SPOCK1: variants seen among roughly 807,000 people sequenced by gnomAD.
The protein encoded by SPOCK1 is testican-1.
A neutral mutation model predicts 55.3 loss-of-function variants in SPOCK1; 23 were observed. That is an observed-to-expected ratio of 0.42 (90% CI 0.30 to 0.59). SPOCK1 has a LOEUF of 0.59. Ranked by LOEUF, SPOCK1 falls within the 20% of genes least tolerant of loss-of-function variation. The pLI, the probability that SPOCK1 is intolerant of heterozygous loss-of-function variation, is 0.22. For missense variants in SPOCK1, 499 were observed against 552.5 expected (o/e 0.90, Z 0.97); for synonymous variants, 226 against 221.0 (o/e 1.02, Z -0.20).
rs2126956037 is a variant in SPOCK1 at position 136,978,568 on chromosome 5, G to A, written c.*86C>T. On this transcript the variant is annotated 3_prime_UTR_variant, in exon 11 of 11. Coordinates refer to ENST00000394945, the MANE Select transcript of SPOCK1 (RefSeq NM_004598.4). ...AGAGCAACAATGGAGAAGAGACCTT[G>A]GTGCCTTGGAGTCTTAGATACAAAT... 2.1e-6 allele frequency: 3 copies of A among 1,421,476 alleles called. No individual in the cohort carries two copies. Among genetic ancestry groups the A allele is most frequent in the South Asian group, 2.8e-5 (2 of 71,394 alleles). 88.1% of individuals were successfully genotyped at this position (1,421,476 alleles called of 1,614,324 possible). A position where few individuals can be genotyped will look rare whatever the true frequency, so the allele number is the denominator to read the frequency against.
intron 2 of SPOCK1, among the ~76,000 whole-genome samples, chr5:137,298,449 A>C (rs1372840979): frequency 1.3e-5 from 2 of 152,204 alleles, no homozygotes; most frequent in African/African-American, 4.8e-5. Context: ...ACAAGCACTT[A>C]TTAAAAATAA....
chr5:137,320,177 G>A (rs1409708122), intron 2 of SPOCK1, among the ~76,000 whole-genome samples: 1 of 152,244 alleles, frequency 6.6e-6, no homozygotes. Flanking sequence ...TCCCTTGGGA[G>A]GGAAATTGAA....
intron 6 of SPOCK1, among the ~76,000 whole-genome samples, chr5:137,042,205 A>C (rs1442038703): frequency 2.0e-5 from 3 of 152,234 alleles, no homozygotes; most frequent in Admixed American, 2.0e-4. Context: ...CAGCATAAAA[A>C]GGCTATGTAA....
At chr5:137,048,779 C>T (rs1317400885) in intron 6 of SPOCK1, among the ~76,000 whole-genome samples, 6 of 117,192 alleles carry the variant, frequency 5.1e-5, no homozygotes, top group African/African-American at 1.3e-4. Context: ...CGGCTGGTAT[C>T]GGTTGTTCCT....
intron 2 of SPOCK1, among the ~76,000 whole-genome samples, chr5:137,426,230 T>C (rs946966050): frequency 3.9e-5 from 6 of 152,368 alleles, no homozygotes; most frequent in African/African-American, 1.2e-4. Context: ...TCATCATTGC[T>C]GTTATTTGAC....
chr5:137,492,285 G>A (rs1754198137), intron 2 of SPOCK1, among the ~76,000 whole-genome samples: 1 of 152,188 alleles, frequency 6.6e-6, no homozygotes, highest in Non-Finnish European at 1.5e-5. Flanking sequence ...CGGGAAATCT[G>A]ACAAGTCTCA....
chr5:137,286,044 C>T (rs1757258218), intron 2 of SPOCK1, among the ~76,000 whole-genome samples: 1 of 152,174 alleles, frequency 6.6e-6, no homozygotes, highest in Admixed American at 6.5e-5. Context: ...GTCCATCCTG[C>T]TCTAAACAGA....
chr5:137,124,014 A>G (rs1211363011), intron 4 of SPOCK1, among the ~76,000 whole-genome samples: 1 of 152,094 alleles, frequency 6.6e-6, no homozygotes, highest in African/African-American at 2.4e-5. Flanking sequence ...TCTACCAGGT[A>G]TTGCTCTGAG....
chr5:137,499,251 C>T lies in SPOCK1; in HGVS notation c.-73G>A, dbSNP rs923172901. 4 of 151,992 alleles carry T rather than the reference C, an allele frequency of 2.6e-5. No individual in the cohort carries two copies. Among genetic ancestry groups the T allele is most frequent in the South Asian group, 2.1e-4 (1 of 4,838 alleles). 9.4% of individuals were successfully genotyped at this position (151,992 alleles called of 1,614,324 possible). On this transcript the variant is annotated 5_prime_UTR_variant, in exon 1 of 11. Transcript: ENST00000394945. ...CGGCACGGTCGCCGGGAAGGCTGAT[C>T]GCCGGCTCGCGCCCCTGCGCTCCTG...
intron 3 of SPOCK1, among the ~76,000 whole-genome samples, chr5:137,166,680 T>C (rs906717184): frequency 8.5e-5 from 13 of 152,138 alleles, no homozygotes; most frequent in Admixed American, 2.6e-4. Flanking sequence ...GACAAAGTTA[T>C]AGTGTAGAGT....
intron 7 of SPOCK1, among the ~76,000 whole-genome samples, chr5:136,989,462 G>A (rs1006288036): frequency 2.0e-5 from 3 of 152,104 alleles, no homozygotes; most frequent in Non-Finnish European, 4.4e-5. Context: ...GATTTCTAGG[G>A]CTAGTTGTAT....
intron 6 of SPOCK1, chr5:136,993,113 T>C (rs1750978003): frequency 6.6e-6 from 1 of 152,472 alleles, no homozygotes; most frequent in Non-Finnish European, 1.5e-5. Flanking sequence ...GGGCCTATTT[T>C]GCTAGCCTTC....
At chr5:137,417,328 A>C (rs1371865000) in intron 2 of SPOCK1, among the ~76,000 whole-genome samples, 1 of 122,374 alleles carries the variant, frequency 8.2e-6, no homozygotes, top group Non-Finnish European at 1.7e-5. Flanking sequence ...TGTATAACCC[A>C]TTTCTTTTTT....
intron 5 of SPOCK1, among the ~76,000 whole-genome samples, chr5:137,092,093 CAA>C (rs1753063980): frequency 6.6e-6 from 1 of 152,140 alleles, no homozygotes; most frequent in African/African-American, 2.4e-5. Flanking sequence ...TTCCAATACC[CAA>C]GTGTCCATTA....
chr5:137,026,662 A>G (rs4593261), intron 6 of SPOCK1, among the ~76,000 whole-genome samples: 14,613 of 152,178 alleles, frequency 0.096, 879 homozygotes, highest in Non-Finnish European at 0.13. Context: ...TCTGGAGAAC[A>G]CTAACACAAC....
chr5:137,266,619 G>C (rs919063899), intron 3 of SPOCK1, among the ~76,000 whole-genome samples: 31 of 152,244 alleles, frequency 2.0e-4, no homozygotes, highest in Admixed American at 4.6e-4. Context: ...CCTTTTTCTA[G>C]AAAGAAAGTT....
intron 6 of SPOCK1, among the ~76,000 whole-genome samples, chr5:137,036,342 G>A (rs564741360): frequency 1.3e-5 from 2 of 152,008 alleles, no homozygotes; most frequent in South Asian, 4.2e-4. Context: ...TGCAGGTAAG[G>A]AATAGTCAAT....
At chr5:137,094,579 AAAAAATGC>A (rs1313573864) in intron 5 of SPOCK1, among the ~76,000 whole-genome samples, 1 of 152,202 alleles carries the variant, frequency 6.6e-6, no homozygotes, top group African/African-American at 2.4e-5. Context: ...TTTTACTACT[AAAAAATGC>A]TAACCATCAC....
chr5:137,204,995 C>T (rs1385987088), intron 3 of SPOCK1, among the ~76,000 whole-genome samples: 1 of 152,180 alleles, frequency 6.6e-6, no homozygotes, highest in African/African-American at 2.4e-5. Context: ...AAAAGATTTT[C>T]TCCTAAGAAG....
Sources: allele counts gnomAD v4.1 joint callset (sites outside exome capture counted in the v4.1 genomes callset), GRCh38; gene constraint gnomAD v4.1.1; transcripts MANE v1.5; gene names NCBI Gene and HGNC (gene_info 2026-07-23, HGNC 2026-07-21).